ANXA2: variants seen among roughly 807,000 people sequenced by gnomAD.
ANXA2 encodes the protein annexin A2, also known as annexin II.
ANXA2 carries 28 observed loss-of-function variants against 47.3 expected under a neutral mutation model. The observed-to-expected ratio is 0.59, with a 90% confidence interval of 0.44 to 0.81. The LOEUF (loss-of-function observed/expected upper bound fraction) is 0.81. Among genes scored for constraint, ANXA2 ranks in the 40% least tolerant of loss-of-function variants. The probability of loss-of-function intolerance (pLI) is 0.00; values close to 1 mark genes in which losing one functional copy is unlikely to be tolerated. For missense variants in ANXA2, 384 were observed against 414.3 expected (o/e 0.93, Z 0.64); for synonymous variants, 172 against 155.5 (o/e 1.11, Z -0.79).
chr15:60,389,048 C>T (rs1272310811), intron 1 of ANXA2, among the ~76,000 whole-genome samples: 3 of 152,010 alleles, frequency 2.0e-5, no homozygotes, highest in Non-Finnish European at 4.4e-5. Context: ...CGAGAATTAC[C>T]GAAGCAGAGG....
intron 3 of ANXA2, among the ~76,000 whole-genome samples, chr15:60,369,501 A>G (rs1002930505): frequency 3.9e-5 from 6 of 152,236 alleles, no homozygotes; most frequent in Non-Finnish European, 7.3e-5. Flanking sequence ...GCTGGCCTGA[A>G]GGCATACCAA....
chr15:60,356,662 AAAAG>A (rs1409849342), intron 6 of ANXA2, among the ~76,000 whole-genome samples: 4 of 152,188 alleles, frequency 2.6e-5, no homozygotes, highest in African/African-American at 9.7e-5. Context: ...AGTAAAACAA[AAAAG>A]AAATGCAGTA....
Position 60,381,243 on chromosome 15 carries a change from G to A in ANXA2, c.148+1099C>T, listed in dbSNP as rs73418020. Among the ~76,000 whole-genome samples the A allele has an allele frequency of 3.4e-3, 520 of 152,244 alleles. 3 individuals carry two copies. The highest frequency in any genetic ancestry group is 0.012 in the African/African-American group (480 of 41,526). Reference sequence around the variant, plus strand: ...TATAAGTGTGTCAGTAAGTTAAAACGCTGTACATAGAAGAGAAAAATGTGA... The same window carrying A: ...TATAAGTGTGTCAGTAAGTTAAAACACTGTACATAGAAGAGAAAAATGTGA... On this transcript the variant is annotated intron_variant, in intron 3 of 12. Transcript: ENST00000451270.
intron 4 of ANXA2, 83 bp from the exon 5 acceptor site, chr15:60,361,137 T>G: frequency 1.0e-6 from 1 of 965,202 alleles, no homozygotes; most frequent in Non-Finnish European, 1.6e-6. Flanking sequence ...AGGGATCTTT[T>G]TGTGAAGCAG....
rs953967179 is a variant in ANXA2, at chr15:60,351,206, T to C, written c.824A>G (p.Tyr275Cys). 1.9e-6 allele frequency: 3 copies of C among 1,614,204 alleles called. No individual in the cohort carries two copies. Among genetic ancestry groups the C allele is most frequent in the Non-Finnish European group, 2.5e-6 (3 of 1,180,032 alleles). ...NKPLYFADRLYDSMKGKGTRD... is the reference protein window; with the variant it reads ...NKPLYFADRLCDSMKGKGTRD... ...AGCTGCCCTTACCTTCATGGAGTCATACAGCCGATCAGCAAAATACAGGGG... is the reference window on the plus strand; with the variant it reads ...AGCTGCCCTTACCTTCATGGAGTCACACAGCCGATCAGCAAAATACAGGGG... Residue 275 changes from tyrosine to cysteine, a missense_variant, in exon 11 of 13, where the codon TAT becomes TGT. Transcript: ENST00000451270.
At chr15:60,374,674 G>A in intron 3 of ANXA2, 1 of 456,088 alleles carries the variant, frequency 2.2e-6, no homozygotes, top group South Asian at 1.5e-5. Flanking sequence ...CGTGGCTCAG[G>A]TCTGGCACCT....
At chr15:60,370,842 G>T (rs546383115) in intron 3 of ANXA2, among the ~76,000 whole-genome samples, 15 of 152,150 alleles carry the variant, frequency 9.9e-5, no homozygotes, top group Non-Finnish European at 2.1e-4. Context: ...TGTGGGTGGG[G>T]CGAGGGCATA....
chr15:60,352,516 C>T lies in ANXA2; in HGVS notation c.589-40G>A. 1.4e-6 allele frequency: 2 copies of T among 1,386,162 alleles called. No individual in the cohort carries two copies. Among genetic ancestry groups the T allele is most frequent in the Non-Finnish European group, 2.0e-6 (2 of 991,042 alleles). The allele number at this position is 1,386,162 out of a possible 1,614,324, so 85.9% of individuals were successfully genotyped here. On this transcript the variant is annotated intron_variant, in intron 8 of 12. Coordinates refer to ENST00000451270, the MANE Select transcript of ANXA2 (RefSeq NM_004039.3). This position sits in a 1 kb window ranked among gnomAD's most constrained non-coding sequence, Gnocchi z 4.2. ...AACCAGGAAAAGTTAACTACACATC[C>T]AATGTAACGTCAAAAAAAATGTCAT... is the stretch of plus-strand genomic sequence containing the variant.
At chr15:60,355,136 A>C (rs996863704) in intron 7 of ANXA2, among the ~76,000 whole-genome samples, 1 of 152,186 alleles carries the variant, frequency 6.6e-6, no homozygotes, top group Non-Finnish European at 1.5e-5. Context: ...AGATGCAGGG[A>C]GGGTTTAGAG....
chr15:60,374,823 AG>A, intron 3 of ANXA2: 1 of 402,134 alleles, frequency 2.5e-6, no homozygotes, highest in Non-Finnish European at 4.9e-6. Flanking sequence ...ACTTGAACAC[AG>A]AGAGAAAGGC....
At chr15:60,383,299 T>G (rs1393351299) in intron 2 of ANXA2, 1 of 152,322 alleles carries the variant, frequency 6.6e-6, no homozygotes, top group Admixed American at 6.5e-5. Context: ...GCTAATTTTT[T>G]CATATTTTTT....
intron 2 of ANXA2, 129 bp downstream of exon 2, chr15:60,385,899 G>C (rs1031300830): frequency 1.3e-5 from 8 of 613,292 alleles, no homozygotes; most frequent in African/African-American, 3.7e-5. Flanking sequence ...TTAAGAAAGA[G>C]GAGAACCAAA....
At chr15:60,357,575 C>T (rs1226368885) in intron 5 of ANXA2, among the ~76,000 whole-genome samples, 3 of 152,004 alleles carry the variant, frequency 2.0e-5, no homozygotes, top group East Asian at 1.9e-4. Context: ...AGGCAGATCA[C>T]GAGGTCAAGA....
At chr15:60,365,393 T>A (rs2062581238) in intron 3 of ANXA2, among the ~76,000 whole-genome samples, 1 of 152,202 alleles carries the variant, frequency 6.6e-6, no homozygotes, top group African/African-American at 2.4e-5. Context: ...ATTCAGAATG[T>A]GAAAAGTCTC....
intron 2 of ANXA2, among the ~76,000 whole-genome samples, chr15:60,385,278 G>T (rs536717487): frequency 3.4e-4 from 51 of 152,170 alleles, no homozygotes; most frequent in African/African-American, 1.2e-3. Context: ...TTAAAGTATA[G>T]GTCCTCGAGC....
Position 60,357,137 on chromosome 15 carries a change from G to C in ANXA2, c.448+9C>G. On this transcript the variant is annotated intron_variant, in intron 6 of 12. Coordinates refer to ENST00000451270, the MANE Select transcript of ANXA2 (RefSeq NM_004039.3). ...TGAGAGGATGAATCACAGAAATCAAGCTACTCACTTTCCTTGTAGACTCTG... is the reference window on the plus strand; with the variant it reads ...TGAGAGGATGAATCACAGAAATCAACCTACTCACTTTCCTTGTAGACTCTG... 4 of 1,612,668 alleles carry C rather than the reference G, an allele frequency of 2.5e-6. No homozygotes were observed. The highest frequency in any genetic ancestry group is 3.4e-6 in the Non-Finnish European group (4 of 1,179,098).
At position 60,354,114 on chromosome 15, in the gene ANXA2, C is replaced by G. The variant is rs760050836; in HGVS notation, c.588+40G>C. On this transcript the variant is annotated intron_variant, in intron 8 of 12. Coordinates refer to ENST00000451270, the MANE Select transcript of ANXA2 (RefSeq NM_004039.3). ...ACTATATAGACTATCCAGAGACTTA[C>G]CAGAAAACAAAAACTCAAAGCAAAA... 11 of 1,580,124 alleles carry G rather than the reference C, an allele frequency of 7.0e-6. No homozygotes were observed. In the East Asian group the frequency reaches 8.9e-5, roughly 13 times the overall value.
chr15:60,384,495 C>G (rs1046882642), intron 2 of ANXA2: 1 of 152,134 alleles, frequency 6.6e-6, no homozygotes, highest in Non-Finnish European at 1.5e-5. Context: ...TCTATTTCTG[C>G]CCCACCTCTC....
At chr15:60,348,502 T>C (rs1386405841) in intron 12 of ANXA2, among the ~76,000 whole-genome samples, 2 of 152,138 alleles carry the variant, frequency 1.3e-5, no homozygotes, top group East Asian at 3.9e-4. Context: ...CCCAGCACTT[T>C]GGGAGGCCGA....
Sources: gnomAD v4.1 joint callset for allele counts (sites outside exome capture counted in the v4.1 genomes callset) on GRCh38, gnomAD v4.1.1 for gene constraint, Gnocchi (gnomAD v3.1) non-coding constraint, MANE v1.5 for transcripts, NCBI Gene and HGNC (gene_info 2026-07-23, HGNC 2026-07-21) for gene names.